The following BORCS5 variants were observed in gnomAD, a reference collection of about 807,000 sequenced individuals.
The protein encoded by BORCS5 is BLOC-1 related complex subunit 5, also known as BLOC-1-related complex subunit 5.
Under a neutral mutation model 22.1 loss-of-function variants are expected in BORCS5, and 17 were observed. The ratio of observed to expected loss-of-function variants is 0.77; its 90% CI spans 0.53 to 1.15. The LOEUF (loss-of-function observed/expected upper bound fraction) is 1.15. Ranked by LOEUF, BORCS5 falls within the 50% of genes most tolerant of loss-of-function variation. The pLI is 0.00. For missense variants in BORCS5, 247 were observed against 253.2 expected, an observed-to-expected ratio of 0.98 and a Z score of 0.17; for synonymous variants, 117 against 99.8, an observed-to-expected ratio of 1.17 and a Z score of -1.03.
At chr12:12,377,144 A>G (rs1184740517) in intron 2 of BORCS5, among the ~76,000 whole-genome samples, 1 of 150,366 alleles carries the variant, frequency 6.7e-6, no homozygotes, top group African/African-American at 2.4e-5. Context: ...TTATCGTCAC[A>G]CCTCAGGTTT....
chr12:12,382,623 C>T (rs1235033560), intron 2 of BORCS5, among the ~76,000 whole-genome samples: 2 of 149,876 alleles, frequency 1.3e-5, no homozygotes, highest in Non-Finnish European at 3.0e-5. Context: ...ACCTCTGCCT[C>T]CTGGGTTCAA....
chr12:12,409,471 C>A (rs1421240265), intron 2 of BORCS5, among the ~76,000 whole-genome samples: 1 of 151,626 alleles, frequency 6.6e-6, no homozygotes, highest in African/African-American at 2.4e-5. Flanking sequence ...TGAGTGAGAA[C>A]ATATGGTGTT....
At chr12:12,450,521 T>C (rs1942888018) in intron 3 of BORCS5, among the ~76,000 whole-genome samples, 2 of 152,212 alleles carry the variant, frequency 1.3e-5, no homozygotes, top group Non-Finnish European at 2.9e-5. Context: ...TTTTTTTTAT[T>C]AGAAAAGTAA....
chr12:12,440,204 A>C (rs1399483921), intron 3 of BORCS5, among the ~76,000 whole-genome samples: 1 of 152,214 alleles, frequency 6.6e-6, no homozygotes, highest in African/African-American at 2.4e-5. Context: ...AGCTTTCCTT[A>C]TGTTAAATTT....
intron 2 of BORCS5, among the ~76,000 whole-genome samples, chr12:12,401,162 G>A (rs950095197): frequency 6.6e-6 from 1 of 151,980 alleles, no homozygotes; most frequent in Non-Finnish European, 1.5e-5. Flanking sequence ...TTTTCTCTAG[G>A]GTATGTAACT....
intron 2 of BORCS5, among the ~76,000 whole-genome samples, chr12:12,399,660 A>G (rs924474269): frequency 3.9e-5 from 6 of 152,234 alleles, no homozygotes; most frequent in Non-Finnish European, 7.3e-5. Flanking sequence ...ACCCTCTGAG[A>G]TAATTACAGC....
At chr12:12,434,399 A>G (rs1592124830) in intron 2 of BORCS5, among the ~76,000 whole-genome samples, 1 of 151,784 alleles carries the variant, frequency 6.6e-6, no homozygotes, top group East Asian at 1.9e-4. Flanking sequence ...ATGGTCTGGC[A>G]TGTGGTAGGG....
intron 3 of BORCS5, among the ~76,000 whole-genome samples, chr12:12,438,360 C>CAAAAAAAAAAAAAAAAAAAAAAAAAAA (rs57737663): frequency 3.8e-4 from 9 of 23,812 alleles, no homozygotes; most frequent in Non-Finnish European, 5.5e-4. Flanking sequence ...GATTTCATCT[C>CAAAAAAAAAAAAAAAAAAAAAAAAAAA]AAAAAAAAAA....
intron 2 of BORCS5, among the ~76,000 whole-genome samples, chr12:12,363,940 A>T (rs1474326220): frequency 6.6e-6 from 1 of 152,098 alleles, no homozygotes; most frequent in Non-Finnish European, 1.5e-5. Flanking sequence ...CTTAGCCAAA[A>T]CTTAACTACT....
At chr12:12,457,893 G>A (rs903908885) in intron 3 of BORCS5, among the ~76,000 whole-genome samples, 19 of 152,352 alleles carry the variant, frequency 1.2e-4, no homozygotes, top group African/African-American at 4.6e-4. Flanking sequence ...TAGATGTACA[G>A]CCTCAGTGGG....
chr12:12,432,521 G>T (rs1277379775), intron 2 of BORCS5, among the ~76,000 whole-genome samples: 6 of 152,140 alleles, frequency 3.9e-5, no homozygotes, highest in African/African-American at 1.4e-4. Context: ...GCATTCTTGG[G>T]CATTTATCCC....
chr12:12,446,719 C>T (rs570535422), intron 3 of BORCS5, among the ~76,000 whole-genome samples: 11 of 152,188 alleles, frequency 7.2e-5, no homozygotes, highest in South Asian at 2.1e-4. Flanking sequence ...CTTTAGTTGA[C>T]GTCCTGGCGA....
chr12:12,382,375 C>T (rs1470155438), intron 2 of BORCS5, among the ~76,000 whole-genome samples: 1 of 150,908 alleles, frequency 6.6e-6, no homozygotes. Flanking sequence ...AGGGAGGCAC[C>T]AAGCCATTCT....
Position 12,357,315 on chromosome 12 carries a change from C to G in BORCS5, c.-137C>G, listed in dbSNP as rs1246196904. Reference sequence around the variant, plus strand: ...CCTGCGTGGGCTGGACGCGTCAGCCCCACACATTAGCCTCGCTGCGGCGCC... The same window carrying G: ...CCTGCGTGGGCTGGACGCGTCAGCCGCACACATTAGCCTCGCTGCGGCGCC... On this transcript the variant is annotated 5_prime_UTR_variant, in exon 1 of 4. Transcript: ENST00000314565. 3 of 1,471,544 alleles carry G rather than the reference C, an allele frequency of 2.0e-6. No homozygotes were observed. The Admixed American group carries it at 7.1e-5, about 35-fold the overall frequency. The allele number at this position is 1,471,544 out of a possible 1,614,324, so 91.2% of individuals were successfully genotyped here. A position where few individuals can be genotyped will look rare whatever the true frequency, so the allele number is the denominator to read the frequency against.
chr12:12,406,044 T>C (rs1170288071), intron 2 of BORCS5, among the ~76,000 whole-genome samples: 1 of 152,224 alleles, frequency 6.6e-6, no homozygotes, highest in African/African-American at 2.4e-5. Flanking sequence ...TGACCGGACT[T>C]TGCCACAGGG....
intron 2 of BORCS5, among the ~76,000 whole-genome samples, chr12:12,422,367 A>T (rs752214107): frequency 1.3e-5 from 2 of 148,410 alleles, no homozygotes; most frequent in Non-Finnish European, 3.0e-5. Context: ...TAACTCCAGC[A>T]CTTTGGAAGG....
intron 2 of BORCS5, among the ~76,000 whole-genome samples, chr12:12,418,190 ATTTTTTTTTTGT>A (rs1364041028): frequency 3.5e-5 from 5 of 142,566 alleles, no homozygotes; most frequent in East Asian, 4.1e-4. Flanking sequence ...TGCCTGGCTA[ATTTTTTTTTTGT>A]TTTTTTTTTT....
chr12:12,441,847 A>G (rs1942689651), intron 3 of BORCS5, among the ~76,000 whole-genome samples: 1 of 152,026 alleles, frequency 6.6e-6, no homozygotes, highest in African/African-American at 2.4e-5. Flanking sequence ...TGGATAGCAT[A>G]CTCGTGCCTG....
intron 2 of BORCS5, among the ~76,000 whole-genome samples, chr12:12,422,271 A>G (rs1327874695): frequency 6.7e-6 from 1 of 148,940 alleles, no homozygotes; most frequent in Non-Finnish European, 1.5e-5. Flanking sequence ...ATACCAGCTT[A>G]GCTTTCTTTT....
Sources: allele counts gnomAD v4.1 joint callset (sites outside exome capture counted in the v4.1 genomes callset), GRCh38; gene constraint gnomAD v4.1.1; transcripts MANE v1.5; gene names NCBI Gene and HGNC (gene_info 2026-07-23, HGNC 2026-07-21).